Variants in FAM234B observed in about 807,000 individuals in gnomAD.
FAM234B encodes family with sequence similarity 234 member B.
A neutral mutation model predicts 69.3 loss-of-function variants in FAM234B; 33 were observed. The observed-to-expected ratio is 0.48, with a 90% CI of 0.36 to 0.64. The LOEUF (loss-of-function observed/expected upper bound fraction) is 0.64, where lower values mean the gene tolerates loss of function less well. FAM234B is among the 30% of genes least tolerant of loss of function. The pLI is 0.00. For missense variants in FAM234B, 697 were observed against 769.7 expected, an observed-to-expected ratio of 0.91 and a Z score of 1.12; for synonymous variants, 306 against 306.9, an observed-to-expected ratio of 1.00 and a Z score of 0.03.
At chr12:13,076,795 G>A (rs923336378) in intron 11 of FAM234B, among the ~76,000 whole-genome samples, 5 of 152,238 alleles carry the variant, frequency 3.3e-5, no homozygotes, top group Admixed American at 2.6e-4. Flanking sequence ...GGAAACCAAA[G>A]CATTGGGATT....
chr12:13,074,769 C>T (rs565217827), intron 10 of FAM234B, among the ~76,000 whole-genome samples: 40 of 152,144 alleles, frequency 2.6e-4, no homozygotes, highest in Admixed American at 7.9e-4. Flanking sequence ...GGAAGATGCC[C>T]TCTTCTGCTT....
In FAM234B at chr12:13,068,413, C is replaced by T; in HGVS notation, c.1252C>T (p.Pro418Ser). 2 of 1,614,204 alleles carry T rather than the reference C, an allele frequency of 1.2e-6. No homozygotes were observed. Among genetic ancestry groups the T allele is most frequent in the Non-Finnish European group, 1.7e-6 (2 of 1,180,034 alleles). Reference protein sequence around the residue: ...LVLLRGQNLTPYWALRLQGLR... With the variant: ...LVLLRGQNLTSYWALRLQGLR... ...GCTGCTTCGGGGGCAAAATCTGACA[C>T]CTTACTGGGCATTGAGACTTCAAGG... The change falls in exon 8 of 13, where the codon CCT (proline) becomes TCT (serine). Residue 418 changes from proline (P) to serine (S), a missense_variant. Physicochemically the swap from Pro to Ser is moderately conservative, Grantham distance 74. Coordinates refer to ENST00000197268, the MANE Select transcript of FAM234B (RefSeq NM_020853.2).
chr12:13,055,102 G>A (rs540407316), intron 1 of FAM234B, among the ~76,000 whole-genome samples: 8 of 152,196 alleles, frequency 5.3e-5, no homozygotes, highest in South Asian at 4.1e-4. Flanking sequence ...GAGAAGCAGC[G>A]TATGGAGAAG....
In FAM234B at chr12:13,080,636, T is replaced by G. The variant is rs1280952835; in HGVS notation, c.*6T>G. On this transcript the variant is annotated 3_prime_UTR_variant, in exon 13 of 13. Transcript: ENST00000197268. ...CTCTTTTTCCATAGATCTAATCTGA[T>G]GGAATCTTCAGTTGCAGAAGAAGTG... 1 of 1,605,284 alleles carries G rather than the reference T, an allele frequency of 6.2e-7. No homozygotes were observed. Among genetic ancestry groups the G allele is most frequent in the East Asian group, 2.2e-5 (1 of 44,830 alleles).
Position 13,081,091 on chromosome 12 carries a change from T to G in FAM234B, c.*461T>G, listed in dbSNP as rs957647645. The stretch of plus-strand genomic sequence containing the variant: ...TTGTCCTTCTGAAATATATCTGGTT[T>G]GTTTGGTCATTTTGAGACTTCCAGA... On this transcript the variant is annotated 3_prime_UTR_variant, in exon 13 of 13. Coordinates refer to ENST00000197268, the MANE Select transcript of FAM234B (RefSeq NM_020853.2). 3 of 153,924 alleles carry G rather than the reference T, an allele frequency of 1.9e-5. No homozygotes were observed. Among genetic ancestry groups the G allele is most frequent in the Non-Finnish European group, 4.3e-5 (3 of 69,160 alleles). 9.5% of individuals were successfully genotyped at this position (153,924 alleles called of 1,614,324 possible). A position where few individuals can be genotyped will look rare whatever the true frequency, so the allele number is the denominator to read the frequency against.
chr12:13,050,698 T>C (rs1440325380), intron 1 of FAM234B, among the ~76,000 whole-genome samples: 1 of 152,186 alleles, frequency 6.6e-6, no homozygotes, highest in Non-Finnish European at 1.5e-5. Context: ...TTTAATTTTA[T>C]TTTTCTTGTT....
chr12:13,046,175 C>T (rs761564935), intron 1 of FAM234B, among the ~76,000 whole-genome samples: 2 of 96,792 alleles, frequency 2.1e-5, no homozygotes, highest in African/African-American at 5.0e-5. Context: ...CCACCCTGAA[C>T]GCGCCCGATC....
In FAM234B at chr12:13,055,765, A is replaced by C. The variant is rs1335465657; in HGVS notation, c.252A>C (p.Ser84=). The change falls in exon 2 of 13, where the codon TCA becomes TCC. Residue 84 remains serine, a synonymous_variant. Transcript: ENST00000197268. ...LSEVTTEGYP[S]EPLGGLEQKA... The stretch of plus-strand genomic sequence containing the variant: ...AAGTCACCACGGAGGGCTACCCCTC[A>C]GAACCCCTTGGGGGCCTGGAACAGA... 6.2e-7 allele frequency: 1 copy of C among 1,614,238 alleles called. No individual in the cohort carries two copies. The highest frequency in any genetic ancestry group is 1.3e-5 in the African/African-American group (1 of 75,080).
intron 1 of FAM234B, among the ~76,000 whole-genome samples, chr12:13,047,618 C>CAGTCTTCCT (rs1864826069): frequency 6.6e-6 from 1 of 152,196 alleles, no homozygotes; most frequent in Non-Finnish European, 1.5e-5. Context: ...GCAGCATCTT[C>CAGTCTTCCT]AGTCTTCCTA....
chr12:13,080,651 C>T lies in FAM234B; in HGVS notation c.*21C>T, dbSNP rs1565513713. The stretch of plus-strand genomic sequence containing the variant: ...TCTAATCTGATGGAATCTTCAGTTG[C>T]AGAAGAAGTGAACAGAGTGGATACC... On this transcript the variant is annotated 3_prime_UTR_variant, in exon 13 of 13. Transcript: ENST00000197268. 3.8e-6 allele frequency: 6 copies of T among 1,597,950 alleles called. No individual in the cohort carries two copies. Among genetic ancestry groups the T allele is most frequent in the Admixed American group, 3.3e-5 (2 of 59,932 alleles).
At chr12:13,051,200 T>A (rs773138239) in intron 1 of FAM234B, among the ~76,000 whole-genome samples, 7 of 152,266 alleles carry the variant, frequency 4.6e-5, no homozygotes, top group Non-Finnish European at 1.0e-4. Flanking sequence ...CAAATTGTTT[T>A]TATAAATTTC....
At chr12:13,049,958 G>A (rs1385107323) in intron 1 of FAM234B, among the ~76,000 whole-genome samples, 6 of 152,164 alleles carry the variant, frequency 3.9e-5, no homozygotes, top group African/African-American at 1.4e-4. Flanking sequence ...TGCCAAAGGG[G>A]TGATCTAGGG....
Position 13,082,826 on chromosome 12 carries a change from G to C in FAM234B, c.*2196G>C, listed in dbSNP as rs1043505259. ...GGTGGGATTGTTTGGGCAGAGGACT[G>C]TGTTTATGCAGGGCAAATCCCAGAA... On this transcript the variant is annotated 3_prime_UTR_variant, in exon 13 of 13. Transcript: ENST00000197268. The C allele has an allele frequency of 6.6e-6, 1 of 152,174 alleles. No homozygotes were observed. The highest frequency in any genetic ancestry group is 2.4e-5 in the African/African-American group (1 of 41,442). 9.4% of individuals were successfully genotyped at this position (152,174 alleles called of 1,614,324 possible).
intron 1 of FAM234B, among the ~76,000 whole-genome samples, chr12:13,050,954 C>T (rs866639145): frequency 1.3e-5 from 2 of 152,170 alleles, no homozygotes; most frequent in Non-Finnish European, 2.9e-5. Flanking sequence ...TATTTGCCTA[C>T]TCTTACTGAG....
At chr12:13,075,860 T>C (rs186831586) in intron 10 of FAM234B, among the ~76,000 whole-genome samples, 166 bp from the exon 11 acceptor site, 1 of 152,262 alleles carries the variant, frequency 6.6e-6, no homozygotes, top group East Asian at 1.9e-4. Context: ...ATATGTCTCT[T>C]ATACAGGGGA....
chr12:13,068,476 C>T, intron 8 of FAM234B, 29 bp downstream of exon 8: 2 of 1,609,324 alleles, frequency 1.2e-6, no homozygotes, highest in Non-Finnish European at 1.7e-6. Context: ...CTTGTGTTTG[C>T]TGTTTTGATC....
intron 10 of FAM234B, among the ~76,000 whole-genome samples, chr12:13,072,034 A>G (rs1420614430): frequency 6.6e-6 from 1 of 152,188 alleles, no homozygotes; most frequent in Non-Finnish European, 1.5e-5. Flanking sequence ...CCTGAGTTCA[A>G]TGAAACACAT....
In FAM234B at chr12:13,059,575, G is replaced by T. The variant is rs143367442; in HGVS notation, c.532+1026G>T. Reference sequence around the variant, plus strand: ...GTCAAACTGCAGCCTGTGAGCTGATGCAGGGACCTAGTTTGATGCTGAGGA... The same window carrying T: ...GTCAAACTGCAGCCTGTGAGCTGATTCAGGGACCTAGTTTGATGCTGAGGA... On this transcript the variant is annotated intron_variant, in intron 3 of 12. Coordinates refer to ENST00000197268, the MANE Select transcript of FAM234B (RefSeq NM_020853.2). 1.1e-4 allele frequency among the ~76,000 whole-genome samples: 16 copies of T among 152,344 alleles called. No individual in the cohort carries two copies. The East Asian group carries it at 1.9e-3, about 18-fold the overall frequency.
chr12:13,063,340 A>AAAATTACAG (rs1407882417), intron 5 of FAM234B, among the ~76,000 whole-genome samples: 3 of 152,234 alleles, frequency 2.0e-5, no homozygotes, highest in Non-Finnish European at 4.4e-5. Context: ...CATTGTTATG[A>AAAATTACAG]AAATTACAGC....
Sources: gnomAD v4.1 joint callset for allele counts (sites outside exome capture counted in the v4.1 genomes callset) on GRCh38, gnomAD v4.1.1 for gene constraint, MANE v1.5 for transcripts, NCBI Gene and HGNC (gene_info 2026-07-23, HGNC 2026-07-21) for gene names.